Variants in SCMH1 observed in about 807,000 individuals in gnomAD.
SCMH1 encodes polycomb protein SCMH1.
Under a neutral mutation model 70.8 loss-of-function variants are expected in SCMH1, and 37 were observed. The ratio of observed to expected loss-of-function variants is 0.52; its 90% CI spans 0.40 to 0.69. The LOEUF is 0.69. Among genes scored for constraint, SCMH1 ranks in the 30% least tolerant of loss-of-function variants. The pLI is 0.00. For missense variants in SCMH1, 607 were observed against 827.3 expected, an observed-to-expected ratio of 0.73 and a Z score of 3.27; for synonymous variants, 292 against 307.4, an observed-to-expected ratio of 0.95 and a Z score of 0.52.
At chr1:41,070,871 T>C (rs1656238633) in intron 9 of SCMH1, 150 bp from the exon 10 acceptor site, 1 of 924,848 alleles carries the variant, frequency 1.1e-6, no homozygotes, top group Non-Finnish European at 1.6e-6. Context: ...GGCTTAAAGC[T>C]ATACATATAC....
intron 1 of SCMH1, among the ~76,000 whole-genome samples, chr1:41,211,783 C>T (rs562825892): frequency 2.0e-5 from 3 of 152,208 alleles, no homozygotes; most frequent in African/African-American, 4.8e-5. Flanking sequence ...CCATTAATGA[C>T]AGACTGGATT....
chr1:41,138,786 T>C (rs993260872), intron 6 of SCMH1, among the ~76,000 whole-genome samples: 2 of 152,348 alleles, frequency 1.3e-5, no homozygotes, highest in Non-Finnish European at 2.9e-5. Context: ...CTCTGATTAG[T>C]CGTTGGTTTT....
At chr1:41,202,199 C>T (rs1654511911) in intron 1 of SCMH1, among the ~76,000 whole-genome samples, 1 of 152,062 alleles carries the variant, frequency 6.6e-6, no homozygotes, top group Non-Finnish European at 1.5e-5. Context: ...CCACGCCCGG[C>T]TAATTTTCGT....
At chr1:41,182,470 A>C (rs1357714978) in intron 2 of SCMH1, among the ~76,000 whole-genome samples, 3 of 152,216 alleles carry the variant, frequency 2.0e-5, no homozygotes, top group African/African-American at 7.2e-5. Flanking sequence ...TTATCCCAGT[A>C]CTTTGGGAGG....
Position 41,080,156 on chromosome 1 carries a change from A to G in SCMH1, c.746-4705T>C, listed in dbSNP as rs181218472. The stretch of plus-strand genomic sequence containing the variant: ...GAGTCTCTCTCTTAAAACACAAAAC[A>G]AAGCAAAAATACCACTGACACAAGA... On this transcript the variant is annotated intron_variant, in intron 8 of 14. Coordinates refer to ENST00000337495, the Ensembl canonical transcript of SCMH1. Among the ~76,000 whole-genome samples, 176 of 152,178 alleles carry G rather than the reference A, an allele frequency of 1.2e-3. 1 individual carries two copies. Among genetic ancestry groups the G allele is most frequent in the African/African-American group, 3.8e-3 (158 of 41,548 alleles).
intron 2 of SCMH1, among the ~76,000 whole-genome samples, chr1:41,175,021 G>A (rs913544494): frequency 4.6e-5 from 7 of 152,178 alleles, no homozygotes; most frequent in East Asian, 1.9e-4. Context: ...TACGGATGCC[G>A]AGTTGAAAAC....
chr1:41,154,120 A>G lies in SCMH1; in HGVS notation c.107-2436T>C, dbSNP rs1244398188. On this transcript the variant is annotated intron_variant, in intron 4 of 14. Transcript: ENST00000337495. ...GCAGAGGGCTGGATTTGACCTCCCA[A>G]TAGTAGTTTGCCAGACCTCTGGTAT... Among the ~76,000 whole-genome samples the G allele has an allele frequency of 3.9e-5, 6 of 152,186 alleles. No homozygotes were observed. The East Asian group carries it at 5.8e-4, about 15-fold the overall frequency.
chr1:41,100,747 G>C (rs1230584334), intron 8 of SCMH1, among the ~76,000 whole-genome samples: 1 of 151,876 alleles, frequency 6.6e-6, no homozygotes, highest in Non-Finnish European at 1.5e-5. Context: ...TGTATTTTTA[G>C]TACAGACAGG....
rs531997297 is a variant in SCMH1, at chr1:41,030,428, G to A, written c.1679-1702C>T. On this transcript the variant is annotated intron_variant, in intron 13 of 14. Coordinates refer to ENST00000337495, the Ensembl canonical transcript of SCMH1. Reference sequence around the variant, plus strand: ...GCCCGCAACTTACCCCTTACTCGCCGTGCTTCAAACACACTAGCCTTCTTT... The same window carrying A: ...GCCCGCAACTTACCCCTTACTCGCCATGCTTCAAACACACTAGCCTTCTTT... Among the ~76,000 whole-genome samples the A allele has an allele frequency of 1.9e-4, 29 of 152,170 alleles. No homozygotes were observed. The South Asian group carries it at 5.4e-3, about 28-fold the overall frequency.
chr1:41,047,973 T>C (rs1451875896), intron 11 of SCMH1, among the ~76,000 whole-genome samples: 1 of 152,230 alleles, frequency 6.6e-6, no homozygotes, highest in African/African-American at 2.4e-5. Flanking sequence ...TCTGGTTATT[T>C]ATGGAGTCTT....
At chr1:41,028,786 C>T (rs1644097158) in intron 13 of SCMH1, 60 bp from the exon 15 acceptor site, 1 of 1,578,576 alleles carries the variant, frequency 6.3e-7, no homozygotes, top group Admixed American at 1.7e-5. Context: ...ATCCCCACCA[C>T]TCTCCTTGGC....
chr1:41,135,051 T>A (rs1321457140), intron 6 of SCMH1, among the ~76,000 whole-genome samples: 1 of 152,216 alleles, frequency 6.6e-6, no homozygotes, highest in East Asian at 1.9e-4. Flanking sequence ...TATGTCTTGA[T>A]GAATTGTTGT....
rs1318484868 is a variant in SCMH1 at position 41,124,135 on chromosome 1, C to G, written c.413-7125G>C. Among the ~76,000 whole-genome samples the G allele has an allele frequency of 2.6e-5, 4 of 151,606 alleles. No individual in the cohort carries two copies. The East Asian group carries it at 7.7e-4, about 29-fold the overall frequency. The stretch of plus-strand genomic sequence containing the variant: ...AACTATATAATGAACAATTATGTAC[C>G]CTTCAACTAGATTCAACAACTATTA... On this transcript the variant is annotated intron_variant, in intron 6 of 14. Transcript: ENST00000337495.
intron 8 of SCMH1, among the ~76,000 whole-genome samples, chr1:41,094,977 T>A (rs1175091697): frequency 6.6e-6 from 1 of 152,090 alleles, no homozygotes. Flanking sequence ...TCATCCTATA[T>A]AAAACAATAC....
At chr1:41,041,722 G>A (rs1191501618) in intron 12 of SCMH1, among the ~76,000 whole-genome samples, 1 of 152,112 alleles carries the variant, frequency 6.6e-6, no homozygotes, top group Non-Finnish European at 1.5e-5. Context: ...TGTGAATCTT[G>A]GGATTTGGGC....
rs971312084 is a variant in SCMH1 at position 41,146,400 on chromosome 1, G to T, written c.178-3288C>A. Among the ~76,000 whole-genome samples, 4 of 152,150 alleles carry T rather than the reference G, an allele frequency of 2.6e-5. No homozygotes were observed. The South Asian group carries it at 6.2e-4, about 24-fold the overall frequency. On this transcript the variant is annotated intron_variant, in intron 5 of 14. Transcript: ENST00000337495. The stretch of plus-strand genomic sequence containing the variant: ...TTTAAATAAATTTAGTGTAGCCTGG[G>T]TGTACAGCGTTTATAACGTTGACAG...
chr1:41,040,433 C>T (rs541942853), intron 12 of SCMH1, among the ~76,000 whole-genome samples: 1 of 152,024 alleles, frequency 6.6e-6, no homozygotes, highest in Non-Finnish European at 1.5e-5. Context: ...AGGCATCGTC[C>T]GGAGAAAAGT....
At chr1:41,241,061 A>G (rs1182564079) in intron 1 of SCMH1, among the ~76,000 whole-genome samples, 1 of 152,230 alleles carries the variant, frequency 6.6e-6, no homozygotes, top group Non-Finnish European at 1.5e-5. Context: ...GAAGGATGGG[A>G]GCCAGCTGTT....
At chr1:41,235,642 C>T (rs1240334381) in intron 1 of SCMH1, among the ~76,000 whole-genome samples, 1 of 147,124 alleles carries the variant, frequency 6.8e-6, no homozygotes, top group Non-Finnish European at 1.5e-5. Flanking sequence ...TTAATAGATA[C>T]CTATATATCC....
Sources: gnomAD v4.1 joint callset for allele counts (sites outside exome capture counted in the v4.1 genomes callset) on GRCh38, gnomAD v4.1.1 for gene constraint, MANE v1.5 for transcripts, NCBI Gene and HGNC (gene_info 2026-07-23, HGNC 2026-07-21) for gene names.